The following SAA4 variants were observed in gnomAD, a reference collection of about 807,000 sequenced individuals.
SAA4 encodes the protein serum amyloid A4, constitutive.
Under a neutral mutation model 11.2 loss-of-function variants are expected in SAA4, and 8 were observed. That is an observed-to-expected ratio of 0.71 (90% CI 0.42 to 1.29). The LOEUF (loss-of-function observed/expected upper bound fraction) is 1.29, where lower values mean the gene tolerates loss of function less well. Ranked by LOEUF, SAA4 falls within the 50% of genes most tolerant of loss-of-function variation. The probability of loss-of-function intolerance (pLI) is 0.01; values close to 1 mark genes in which losing one functional copy is unlikely to be tolerated. For synonymous variants in SAA4, 60 were observed against 56.2 expected (o/e 1.07, Z -0.30); for missense variants, 171 against 164.2 (o/e 1.04, Z -0.23).
intron 2 of SAA4, among the ~76,000 whole-genome samples, chr11:18,233,695 G>A (rs1290305469): frequency 9.4e-6 from 1 of 106,594 alleles, no homozygotes; most frequent in Non-Finnish European, 2.2e-5. Context: ...TTTTTTTTTT[G>A]GTAGAGATGG....
At chr11:18,233,192 T>C (rs1299977513) in intron 2 of SAA4, among the ~76,000 whole-genome samples, 1 of 152,198 alleles carries the variant, frequency 6.6e-6, no homozygotes, top group East Asian at 1.9e-4. Flanking sequence ...TAATCAGACT[T>C]ATCATGAAGG....
intron 3 of SAA4, among the ~76,000 whole-genome samples, 190 bp from the exon 4 acceptor site, chr11:18,231,854 G>C (rs559120865): frequency 3.5e-5 from 5 of 142,738 alleles, no homozygotes; most frequent in Admixed American, 7.1e-5. Flanking sequence ...TGATACTTGC[G>C]CTCTGCAACA....
At chr11:18,233,102 A>T (rs952597437) in intron 2 of SAA4, among the ~76,000 whole-genome samples, 3 of 152,244 alleles carry the variant, frequency 2.0e-5, no homozygotes, top group African/African-American at 4.8e-5. Context: ...TGCTATGGGC[A>T]TAAATGGCAC....
chr11:18,232,467 T>C lies in SAA4; in HGVS notation c.158A>G (p.Tyr53Cys). The C allele has an allele frequency of 6.2e-7, 1 of 1,614,160 alleles. No homozygotes were observed. Among genetic ancestry groups the C allele is most frequent in the Non-Finnish European group, 8.5e-7 (1 of 1,180,018 alleles). The change falls in exon 3 of 4, where the codon TAT (tyrosine) becomes TGT (cysteine). Residue 53 changes from tyrosine to cysteine, a missense_variant. Tyr to Cys is a radical substitution (Grantham distance 194). Transcript: ENST00000278222. ...ATCATAGTTTCCCCGAGCATAGAGA[T>C]ATCTGTTTGAATTTTGGTGATTGGA... ...MISNHQNSNR[Y>C]LYARGNYDAA...
At position 18,232,549 on chromosome 11, in the gene SAA4, A is replaced by AT. The variant is rs757566359; in HGVS notation, c.92-17dup. 2.5e-6 allele frequency: 4 copies of AT among 1,607,360 alleles called. No individual in the cohort carries two copies. On this transcript the variant is annotated splice_polypyrimidine_tract_variant and intron_variant, in intron 2 of 3. Coordinates refer to ENST00000278222, the MANE Select transcript of SAA4 (RefSeq NM_006512.4). ...TCCCCAACCCCTGGAAAGAAAAAAA[A>AT]TGACAAAAATGAACCCAGTGACATA...
rs1273067308 is a variant in SAA4, at chr11:18,232,453, C to T, written c.172G>A (p.Gly58Arg). Residue 58 changes from glycine to arginine, a missense_variant, in exon 3 of 4, where the codon GGA (glycine) becomes AGA (arginine). Transcript: ENST00000278222. ...QNSNRYLYARGNYDAAQRGPG... is the reference protein window; with the variant it reads ...QNSNRYLYARRNYDAAQRGPG... Reference sequence around the variant, plus strand: ...CCTCTTTGGGCAGCATCATAGTTTCCCCGAGCATAGAGATATCTGTTTGAA... The same window carrying T: ...CCTCTTTGGGCAGCATCATAGTTTCTCCGAGCATAGAGATATCTGTTTGAA... 6.2e-7 allele frequency: 1 copy of T among 1,614,130 alleles called. No homozygotes were observed. The highest frequency in any genetic ancestry group is 8.5e-7 in the Non-Finnish European group (1 of 1,180,034).
At chr11:18,232,220 T>C (rs1857145340) in intron 3 of SAA4, among the ~76,000 whole-genome samples, 175 bp downstream of exon 3, 1 of 151,894 alleles carries the variant, frequency 6.6e-6, no homozygotes. Flanking sequence ...TCCTCAGTTC[T>C]TACTTTCCCT....
At chr11:18,236,337 C>T (rs1265288472) in intron 1 of SAA4, among the ~76,000 whole-genome samples, 1 of 151,460 alleles carries the variant, frequency 6.6e-6, no homozygotes, top group Non-Finnish European at 1.5e-5. Flanking sequence ...CAAAGGATTA[C>T]AGGCATGAGC....
At chr11:18,235,511 G>A (rs1463698954) in intron 2 of SAA4, among the ~76,000 whole-genome samples, 1 of 152,126 alleles carries the variant, frequency 6.6e-6, no homozygotes, top group Non-Finnish European at 1.5e-5. Flanking sequence ...TCCCTGAGGT[G>A]GATGAGCTAA....
rs930154516 is a variant in SAA4 at position 18,231,449 on chromosome 11, G to A, written c.*53C>T. ...GTGACCCTGTGTCCCTGTCTGGGGG[G>A]AGAAGTGTGTGGCTCACAGCCCAGT... On this transcript the variant is annotated 3_prime_UTR_variant, in exon 4 of 4. Coordinates refer to ENST00000278222, the MANE Select transcript of SAA4 (RefSeq NM_006512.4). 1.3e-6 allele frequency: 2 copies of A among 1,586,078 alleles called. No individual in the cohort carries two copies. Among genetic ancestry groups the A allele is most frequent in the African/African-American group, 1.4e-5 (1 of 73,946 alleles).
intron 2 of SAA4, among the ~76,000 whole-genome samples, chr11:18,233,006 A>AG (rs1857160096): frequency 6.6e-6 from 1 of 152,196 alleles, no homozygotes. Flanking sequence ...TGAGAAGAGG[A>AG]GGGGGCTGCA....
intron 2 of SAA4, among the ~76,000 whole-genome samples, chr11:18,234,572 T>C (rs190830743): frequency 6.6e-6 from 1 of 152,376 alleles, no homozygotes; most frequent in East Asian, 1.9e-4. Flanking sequence ...TACCAAGTTC[T>C]TTAAACCAAC....
rs1005221746 is a variant in SAA4 at position 18,232,512 on chromosome 11, G to A, written c.113C>T (p.Ala38Val). The change falls in exon 3 of 4, where the codon GCC becomes GTC. Residue 38 changes from alanine to valine, a missense_variant. Coordinates refer to ENST00000278222, the MANE Select transcript of SAA4 (RefSeq NM_006512.4). ...ALQGVGDMGR[A>V]YWDIMISNHQ... is the part of the protein sequence containing the mutation. ...ATTGGATATCATTATGTCCCAATAG[G>A]CTCTGCCCATGTCCCCAACCCCTGG... The A allele has an allele frequency of 3.1e-6, 5 of 1,613,878 alleles. No homozygotes were observed. Among genetic ancestry groups the A allele is most frequent in the Admixed American group, 1.7e-5 (1 of 59,978 alleles).
chr11:18,234,430 GT>G (rs1165137471), intron 2 of SAA4, among the ~76,000 whole-genome samples: 3 of 152,140 alleles, frequency 2.0e-5, no homozygotes, highest in Non-Finnish European at 4.4e-5. Flanking sequence ...TCATTTTAAA[GT>G]TTTTAAAAAG....
At chr11:18,235,276 G>A (rs75360442) in intron 2 of SAA4, among the ~76,000 whole-genome samples, 5,972 of 152,166 alleles carry the variant, frequency 0.039, 167 homozygotes, top group African/African-American at 0.077. Context: ...AATAAGATTC[G>A]TTTCCCATCC....
chr11:18,232,519 C>T lies in SAA4; in HGVS notation c.106G>A (p.Gly36Ser). 6.2e-7 allele frequency: 1 copy of T among 1,613,912 alleles called. No homozygotes were observed. The highest frequency in any genetic ancestry group is 8.5e-7 in the Non-Finnish European group (1 of 1,179,920). Reference protein sequence around the residue: ...KEALQGVGDMGRAYWDIMISN... With the variant: ...KEALQGVGDMSRAYWDIMISN... ...ATCATTATGTCCCAATAGGCTCTGC[C>T]CATGTCCCCAACCCCTGGAAAGAAA... The change falls in exon 3 of 4, where the codon GGC becomes AGC. Residue 36 changes from glycine (G) to serine (S), a missense_variant. Physicochemically the swap from Gly to Ser is moderately conservative, Grantham distance 56. Coordinates refer to ENST00000278222, the MANE Select transcript of SAA4 (RefSeq NM_006512.4).
intron 1 of SAA4, among the ~76,000 whole-genome samples, chr11:18,236,343 T>C: frequency 6.6e-6 from 1 of 151,820 alleles, no homozygotes. Flanking sequence ...ATTACAGGCA[T>C]GAGCCACTGT....
intron 3 of SAA4, 45 bp downstream of exon 3, chr11:18,232,350 A>G (rs1187682245): frequency 6.2e-7 from 1 of 1,603,988 alleles, no homozygotes; most frequent in African/African-American, 1.3e-5. Flanking sequence ...CAAGACAGAT[A>G]GGCACTGCTG....
intron 2 of SAA4, among the ~76,000 whole-genome samples, chr11:18,232,996 T>C (rs866882628): frequency 2.5e-4 from 38 of 152,294 alleles, no homozygotes; most frequent in Middle Eastern, 3.4e-3. Context: ...AGGGACTTGG[T>C]GAGAAGAGGA....
Sources: gnomAD v4.1 joint callset for allele counts (sites outside exome capture counted in the v4.1 genomes callset) on GRCh38, gnomAD v4.1.1 for gene constraint, MANE v1.5 for transcripts, NCBI Gene and HGNC (gene_info 2026-07-23, HGNC 2026-07-21) for gene names.